ZSWIM5: variants seen among roughly 807,000 people sequenced by gnomAD.
The protein encoded by ZSWIM5 is zinc finger SWIM-type containing 5, also known as zinc finger SWIM domain-containing protein 5.
Under a neutral mutation model 119.6 loss-of-function variants are expected in ZSWIM5, and 55 were observed. The ratio of observed to expected loss-of-function variants is 0.46; its 90% CI spans 0.37 to 0.58. The LOEUF is 0.58. Among genes scored for constraint, ZSWIM5 ranks in the 20% least tolerant of loss-of-function variants. The pLI is 0.00. For missense variants in ZSWIM5, 1,193 were observed against 1,512.8 expected, an observed-to-expected ratio of 0.79 and a Z score of 3.51; for synonymous variants, 537 against 606.9, an observed-to-expected ratio of 0.88 and a Z score of 1.69.
At chr1:45,020,528 G>T in intron 12 of ZSWIM5, 97 bp downstream of exon 12, 3 of 1,406,950 alleles carry the variant, frequency 2.1e-6, no homozygotes, top group Non-Finnish European at 1.9e-6. Flanking sequence ...GGAAGAGCCA[G>T]ACTTGGCCTA....
intron 1 of ZSWIM5, among the ~76,000 whole-genome samples, chr1:45,172,210 G>A (rs989270698): frequency 1.2e-4 from 18 of 152,150 alleles, no homozygotes; most frequent in East Asian, 1.9e-4. Context: ...ACATGATTCT[G>A]GTTGGCGGCT....
At chr1:45,025,291 G>A (rs989578151) in intron 11 of ZSWIM5, among the ~76,000 whole-genome samples, 1 of 152,042 alleles carries the variant, frequency 6.6e-6, no homozygotes. Context: ...ATATTATGTT[G>A]GCTATTCTAG....
At chr1:45,140,882 C>T (rs575411923) in intron 1 of ZSWIM5, among the ~76,000 whole-genome samples, 1 of 152,266 alleles carries the variant, frequency 6.6e-6, no homozygotes, top group East Asian at 1.9e-4. Flanking sequence ...TGAAGTACCA[C>T]TGAACCAGCA....
chr1:45,129,508 TG>T (rs975844634), intron 1 of ZSWIM5, among the ~76,000 whole-genome samples: 11 of 152,114 alleles, frequency 7.2e-5, no homozygotes, highest in African/African-American at 2.7e-4. Context: ...TTTCTTTTTT[TG>T]GTGGGGAGAA....
intron 2 of ZSWIM5, among the ~76,000 whole-genome samples, chr1:45,081,868 G>A (rs1189066445): frequency 7.2e-5 from 11 of 152,160 alleles, no homozygotes; most frequent in East Asian, 1.9e-4. Context: ...TGACAATGGC[G>A]GCTTTGTGGA....
intron 1 of ZSWIM5, 132 bp downstream of exon 1, chr1:45,205,624 A>T: frequency 1.0e-6 from 1 of 988,590 alleles, no homozygotes; most frequent in Non-Finnish European, 1.3e-6. Flanking sequence ...AGTTTTTGTG[A>T]CTTGTTCGTC....
chr1:45,039,197 G>T, intron 7 of ZSWIM5, 124 bp from the exon 8 acceptor site: 2 of 1,226,416 alleles, frequency 1.6e-6, no homozygotes, highest in Non-Finnish European at 2.3e-6. Flanking sequence ...CTTCTCTATT[G>T]TCTTGCCTTG....
intron 1 of ZSWIM5, among the ~76,000 whole-genome samples, chr1:45,131,112 G>A (rs929361375): frequency 6.6e-6 from 1 of 152,162 alleles, no homozygotes; most frequent in Non-Finnish European, 1.5e-5. Flanking sequence ...AGATGGAAAT[G>A]AGTATAGCTA....
At chr1:45,064,276 A>T (rs1416347463) in intron 2 of ZSWIM5, among the ~76,000 whole-genome samples, 1 of 152,142 alleles carries the variant, frequency 6.6e-6, no homozygotes, top group Non-Finnish European at 1.5e-5. Context: ...TCTTCATAGC[A>T]CTTTATTATT....
At chr1:45,107,380 T>C (rs1341188105) in intron 1 of ZSWIM5, among the ~76,000 whole-genome samples, 1 of 152,090 alleles carries the variant, frequency 6.6e-6, no homozygotes, top group Non-Finnish European at 1.5e-5. Context: ...GGCTCACACC[T>C]GTAATCCCAG....
At position 45,197,950 on chromosome 1, in the gene ZSWIM5, C is replaced by G. The variant is rs572214045; in HGVS notation, c.595+7806G>C. On this transcript the variant is annotated intron_variant, in intron 1 of 13. Coordinates refer to ENST00000359600, the MANE Select transcript of ZSWIM5 (RefSeq NM_020883.2). ...TGGGGCAATGCCCCAAATAAACCAG[C>G]AGTTTACAAATGGATAACTCATTTT... 5.9e-5 allele frequency among the ~76,000 whole-genome samples: 9 copies of G among 152,330 alleles called. No individual in the cohort carries two copies. The East Asian group carries it at 1.7e-3, about 29-fold the overall frequency.
At chr1:45,068,445 G>A (rs1003954049) in intron 2 of ZSWIM5, among the ~76,000 whole-genome samples, 4 of 150,038 alleles carry the variant, frequency 2.7e-5, no homozygotes, top group Non-Finnish European at 5.9e-5. Flanking sequence ...ACGGTGAGCT[G>A]AAATCATGCC....
At chr1:45,121,454 C>G (rs1645591362) in intron 1 of ZSWIM5, among the ~76,000 whole-genome samples, 1 of 152,186 alleles carries the variant, frequency 6.6e-6, no homozygotes, top group African/African-American at 2.4e-5. Context: ...GACCACAAGT[C>G]TAGTCCAAAC....
At chr1:45,146,051 G>A (rs1231952261) in intron 1 of ZSWIM5, among the ~76,000 whole-genome samples, 1 of 152,176 alleles carries the variant, frequency 6.6e-6, no homozygotes, top group African/African-American at 2.4e-5. Flanking sequence ...GCTCTGATGA[G>A]AATGGATCTG....
In ZSWIM5 at chr1:45,206,274, G is replaced by A; in HGVS notation, c.77C>T (p.Pro26Leu). 3 of 1,580,342 alleles carry A rather than the reference G, an allele frequency of 1.9e-6. No individual in the cohort carries two copies. The highest frequency in any genetic ancestry group is 2.6e-6 in the Non-Finnish European group (3 of 1,164,654). The change falls in exon 1 of 14, where the codon CCC becomes CTC. Residue 26 changes from proline to leucine, a missense_variant. Pro to Leu is a moderately conservative substitution (Grantham distance 98, BLOSUM62 -3). Around this residue, in one of 2 missense-constraint regions of ZSWIM5, gnomAD observed 232 missense variants for 222.9 expected, o/e 1.04. Coordinates refer to ENST00000359600, the MANE Select transcript of ZSWIM5 (RefSeq NM_020883.2). Reference protein sequence around the residue: ...VSPAKRQCSWPSPQAHHPRGS... With the variant: ...VSPAKRQCSWLSPQAHHPRGS... ...GCGAGGGTGATGAGCCTGCGGGCTGGGCCACGAACACTGCCGCTTAGCCGG... is the reference window on the plus strand; with the variant it reads ...GCGAGGGTGATGAGCCTGCGGGCTGAGCCACGAACACTGCCGCTTAGCCGG...
At chr1:45,025,397 A>G (rs1489604995) in intron 11 of ZSWIM5, among the ~76,000 whole-genome samples, 1 of 152,204 alleles carries the variant, frequency 6.6e-6, no homozygotes, top group East Asian at 1.9e-4. Flanking sequence ...AAATCTATAG[A>G]TCACATTGGG....
intron 1 of ZSWIM5, among the ~76,000 whole-genome samples, chr1:45,178,863 TC>T (rs1645996755): frequency 6.6e-6 from 1 of 152,046 alleles, no homozygotes; most frequent in Admixed American, 6.6e-5. Context: ...AATCTGGCAT[TC>T]ATTGTAGATT....
chr1:45,064,109 C>G (rs1436387754), intron 2 of ZSWIM5, among the ~76,000 whole-genome samples: 1 of 152,196 alleles, frequency 6.6e-6, no homozygotes, highest in South Asian at 2.1e-4. Context: ...GCCATATACT[C>G]CATTGCCACC....
At chr1:45,140,904 C>CT (rs904714240) in intron 1 of ZSWIM5, among the ~76,000 whole-genome samples, 18 of 151,314 alleles carry the variant, frequency 1.2e-4, no homozygotes, top group South Asian at 4.2e-4. Flanking sequence ...TGAGTTTATC[C>CT]TTTTTTTTTC....
Sources: gnomAD v4.1 joint callset for allele counts (sites outside exome capture counted in the v4.1 genomes callset) on GRCh38, gnomAD v4.1.1 for gene constraint, gnomAD v4.1.1 regional missense constraint, MANE v1.5 for transcripts, NCBI Gene and HGNC (gene_info 2026-07-23, HGNC 2026-07-21) for gene names.